The following KAZN variants were observed in gnomAD, a reference collection of about 807,000 sequenced individuals.
The protein encoded by KAZN is kazrin.
KAZN carries 40 observed loss-of-function variants against 87.4 expected under a neutral mutation model. The ratio of observed to expected loss-of-function variants is 0.46; its 90% CI spans 0.36 to 0.60. The LOEUF (loss-of-function observed/expected upper bound fraction) is 0.60, where lower values mean the gene tolerates loss of function less well. Among genes scored for constraint, KAZN ranks in the 20% least tolerant of loss-of-function variants. KAZN has a pLI of 0.00. For missense variants in KAZN, 898 were observed against 1,073.9 expected, an observed-to-expected ratio of 0.84 and a Z score of 2.29; for synonymous variants, 466 against 458.3, an observed-to-expected ratio of 1.02 and a Z score of -0.22.
chr1:14,627,847 C>A (rs1301125694), intron 1 of KAZN, among the ~76,000 whole-genome samples: 1 of 152,170 alleles, frequency 6.6e-6, no homozygotes, highest in Non-Finnish European at 1.5e-5. Flanking sequence ...GTTGAGGAGG[C>A]TGTTCTTGTG....
At chr1:14,570,119 ATT>A (rs1674775568) in intron 2 of KAZN, among the ~76,000 whole-genome samples, 1 of 152,178 alleles carries the variant, frequency 6.6e-6, no homozygotes, top group Admixed American at 6.5e-5. Flanking sequence ...TCTCAAAAAA[ATT>A]AATAATAAAA....
intron 1 of KAZN, among the ~76,000 whole-genome samples, chr1:14,089,693 G>C (rs988929414): frequency 6.6e-6 from 1 of 152,080 alleles, no homozygotes; most frequent in African/African-American, 2.4e-5. Flanking sequence ...TTACAAAAGT[G>C]AGAAAACTGC....
At chr1:14,514,058 C>T (rs1040649014) in intron 2 of KAZN, among the ~76,000 whole-genome samples, 10 of 150,910 alleles carry the variant, frequency 6.6e-5, no homozygotes, top group African/African-American at 2.4e-4. Flanking sequence ...TGGTGGCTCA[C>T]GTCTGTAATC....
intron 1 of KAZN, among the ~76,000 whole-genome samples, chr1:14,926,815 AT>A (rs1357348915): frequency 2.6e-5 from 4 of 152,290 alleles, no homozygotes; most frequent in Admixed American, 2.6e-4. Flanking sequence ...CCCAAGTCAA[AT>A]GTGGTGCTCA....
At chr1:14,723,943 G>A (rs1351877832) in intron 1 of KAZN, among the ~76,000 whole-genome samples, 4 of 152,192 alleles carry the variant, frequency 2.6e-5, no homozygotes, top group African/African-American at 7.2e-5. Flanking sequence ...ACATGAGCGT[G>A]GACAGATGCC....
At chr1:14,483,532 A>C (rs1282968091) in intron 2 of KAZN, among the ~76,000 whole-genome samples, 1 of 152,242 alleles carries the variant, frequency 6.6e-6, no homozygotes, top group Non-Finnish European at 1.5e-5. Flanking sequence ...AAAATATTTT[A>C]AAGAGGTTTA....
chr1:13,945,054 A>G (rs926475495), intron 1 of KAZN, among the ~76,000 whole-genome samples: 49 of 152,282 alleles, frequency 3.2e-4, no homozygotes, highest in African/African-American at 1.2e-3. Context: ...TCATTTAAAA[A>G]ATATAAAACA....
intron 1 of KAZN, among the ~76,000 whole-genome samples, chr1:14,935,313 T>A (rs1290195835): frequency 6.6e-6 from 1 of 152,160 alleles, no homozygotes; most frequent in Non-Finnish European, 1.5e-5. Flanking sequence ...CAATCTTGGC[T>A]CTCTGCAACC....
At chr1:14,417,081 A>G (rs915047311) in intron 2 of KAZN, among the ~76,000 whole-genome samples, 2 of 151,202 alleles carry the variant, frequency 1.3e-5, no homozygotes, top group Admixed American at 6.6e-5. Flanking sequence ...GGTCCCAGCT[A>G]CTCAGGAGGC....
chr1:14,419,876 G>C (rs191632610), intron 2 of KAZN, among the ~76,000 whole-genome samples: 5 of 152,218 alleles, frequency 3.3e-5, no homozygotes, highest in East Asian at 1.9e-4. Flanking sequence ...AGCTCGCACA[G>C]ACAGTGAGAC....
chr1:14,189,692 C>A (rs1021615907), intron 2 of KAZN, among the ~76,000 whole-genome samples: 1 of 152,140 alleles, frequency 6.6e-6, no homozygotes, highest in Non-Finnish European at 1.5e-5. Flanking sequence ...ATCACTTTTC[C>A]AGCCTCTGTT....
At chr1:14,507,793 T>C (rs1317112218) in intron 2 of KAZN, among the ~76,000 whole-genome samples, 2 of 151,778 alleles carry the variant, frequency 1.3e-5, no homozygotes, top group Non-Finnish European at 2.9e-5. Context: ...TAATAAAAAT[T>C]TGATGTTAAA....
intron 1 of KAZN, among the ~76,000 whole-genome samples, chr1:14,120,506 G>A (rs1644729488): frequency 6.6e-6 from 1 of 152,182 alleles, no homozygotes; most frequent in Non-Finnish European, 1.5e-5. Flanking sequence ...TTTATTACAA[G>A]GGTTTGGGTT....
chr1:14,885,253 C>T (rs1021900546), intron 1 of KAZN, among the ~76,000 whole-genome samples: 1 of 152,122 alleles, frequency 6.6e-6, no homozygotes, highest in Non-Finnish European at 1.5e-5. Flanking sequence ...ATCCTTCTTT[C>T]GTGGCCCAGC....
At chr1:14,171,262 G>A (rs761925851) in intron 1 of KAZN, among the ~76,000 whole-genome samples, 2 of 152,188 alleles carry the variant, frequency 1.3e-5, no homozygotes, top group Non-Finnish European at 2.9e-5. Context: ...TCATGTGTGA[G>A]TGTTTGCTAG....
chr1:14,130,772 A>C (rs575525243), intron 1 of KAZN, among the ~76,000 whole-genome samples: 1 of 152,278 alleles, frequency 6.6e-6, no homozygotes, highest in African/African-American at 2.4e-5. Context: ...ACCCTCTGAT[A>C]CAGGTAGAGA....
At chr1:14,635,809 C>T (rs1230721164) in intron 1 of KAZN, among the ~76,000 whole-genome samples, 1 of 152,192 alleles carries the variant, frequency 6.6e-6, no homozygotes, top group Non-Finnish European at 1.5e-5. Context: ...CAGGGAGGCC[C>T]ATAAACACCT....
At chr1:14,812,230 C>A (rs967378616) in intron 1 of KAZN, among the ~76,000 whole-genome samples, 1 of 152,152 alleles carries the variant, frequency 6.6e-6, no homozygotes, top group Non-Finnish European at 1.5e-5. Flanking sequence ...TTTGATGACA[C>A]CCTGCCTCCA....
intron 2 of KAZN, among the ~76,000 whole-genome samples, chr1:14,290,442 A>T (rs1653591583): frequency 6.6e-6 from 1 of 152,012 alleles, no homozygotes; most frequent in Non-Finnish European, 1.5e-5. Flanking sequence ...TCCATCACTG[A>T]TACCCTTTCT....
Sources: gnomAD v4.1 joint callset for allele counts (sites outside exome capture counted in the v4.1 genomes callset) on GRCh38, gnomAD v4.1.1 for gene constraint, MANE v1.5 for transcripts, NCBI Gene and HGNC (gene_info 2026-07-23, HGNC 2026-07-21) for gene names.